ARHGEF3: variants seen among roughly 807,000 people sequenced by gnomAD.
The protein encoded by ARHGEF3 is Rho guanine nucleotide exchange factor 3, also known as 59.8 kDA protein.
Under a neutral mutation model 63.2 loss-of-function variants are expected in ARHGEF3, and 28 were observed. That is an observed-to-expected ratio of 0.44 (90% CI 0.33 to 0.61). The LOEUF (loss-of-function observed/expected upper bound fraction) is 0.61, where lower values mean the gene tolerates loss of function less well. Ranked by LOEUF, ARHGEF3 falls within the 20% of genes least tolerant of loss-of-function variation. The pLI is 0.03. For synonymous variants in ARHGEF3, 266 were observed against 254.2 expected (o/e 1.05, Z -0.44); for missense variants, 533 against 659.3 (o/e 0.81, Z 2.10).
At chr3:56,872,572 C>T (rs188275805) in intron 4 of ARHGEF3, among the ~76,000 whole-genome samples, 264 of 149,014 alleles carry the variant, frequency 1.8e-3, no homozygotes, top group African/African-American at 6.2e-3. Context: ...TGCAGTGGCA[C>T]GATCTTGGCT....
chr3:56,944,568 C>CTTTTTTTTTTTT (rs1205155655), intron 3 of ARHGEF3, among the ~76,000 whole-genome samples: 10 of 65,832 alleles, frequency 1.5e-4, no homozygotes, highest in East Asian at 6.3e-4. Flanking sequence ...AAAGTGGTTT[C>CTTTTTTTTTTTT]TTTTTTTTTT....
chr3:56,858,460 C>A (rs1319738076), intron 4 of ARHGEF3, among the ~76,000 whole-genome samples: 16 of 152,120 alleles, frequency 1.1e-4, no homozygotes, highest in African/African-American at 3.6e-4. Flanking sequence ...GATACTGAGC[C>A]CCTACCAGTG....
chr3:56,755,016 G>C lies in ARHGEF3; in HGVS notation c.340C>G (p.Gln114Glu). The change falls in exon 3 of 10, where the codon CAG becomes GAG. Residue 114 changes from glutamine to glutamate, a missense_variant. Physicochemically the swap from Gln to Glu is conservative, Grantham distance 29. This residue lies in a region of ARHGEF3 where 160 missense variants were observed against 157.3 expected (regional missense o/e 1.02). Coordinates refer to ENST00000296315, the MANE Select transcript of ARHGEF3 (RefSeq NM_019555.3). ...TTGATTTCCTTGGATGTAAGCATCT[G>C]ATTGACGCACACATCGAAGGTCTCA... ...WSETFDVCVNQMLTSKEIKRQ... is the reference protein window; with the variant it reads ...WSETFDVCVNEMLTSKEIKRQ... The C allele has an allele frequency of 6.2e-7, 1 of 1,614,174 alleles. No homozygotes were observed.
At chr3:57,039,734 T>G (rs577247244) in intron 1 of ARHGEF3, among the ~76,000 whole-genome samples, 1 of 152,264 alleles carries the variant, frequency 6.6e-6, no homozygotes, top group South Asian at 2.1e-4. Flanking sequence ...CAATGGTATC[T>G]TCAAATCTCT....
chr3:57,064,235 G>A (rs1259500615), intron 1 of ARHGEF3, among the ~76,000 whole-genome samples: 1 of 152,300 alleles, frequency 6.6e-6, no homozygotes, highest in East Asian at 1.9e-4. Context: ...TGCCACTGCA[G>A]CAATCAGTGA....
chr3:56,987,691 A>C (rs1701596120), intron 2 of ARHGEF3, among the ~76,000 whole-genome samples: 1 of 152,040 alleles, frequency 6.6e-6, no homozygotes, highest in Non-Finnish European at 1.5e-5. Context: ...GAAGGAAGGA[A>C]AGGAAGGAGC....
intron 1 of ARHGEF3, among the ~76,000 whole-genome samples, chr3:57,072,685 T>C (rs1160988989): frequency 1.5e-4 from 21 of 136,772 alleles, no homozygotes; most frequent in African/African-American, 5.9e-4. Flanking sequence ...GAGGTTGCAG[T>C]GAGCTGAGAT....
intron 3 of ARHGEF3, among the ~76,000 whole-genome samples, chr3:56,905,096 C>A (rs1578807737): frequency 6.6e-6 from 1 of 152,206 alleles, no homozygotes; most frequent in Non-Finnish European, 1.5e-5. Context: ...CTTTTACAAT[C>A]CAGTCCAAAG....
Position 56,973,348 on chromosome 3 carries a change from T to TTA in ARHGEF3, c.63-14460_63-14459insTA, listed in dbSNP as rs1315596346. On this transcript the variant is annotated intron_variant, in intron 2 of 12. Transcript: ENST00000338458. ...ACATATTTGAAGGCAGGAATAACAC[T>TTA]ATCTACTGTGGATTAAGTACAGAAG... 3.3e-5 allele frequency among the ~76,000 whole-genome samples: 5 copies of TTA among 152,132 alleles called. No individual in the cohort carries two copies. The East Asian group carries it at 9.6e-4, about 29-fold the overall frequency.
intron 2 of ARHGEF3, among the ~76,000 whole-genome samples, chr3:57,017,752 G>T (rs9875179): frequency 0.01 from 1,554 of 152,266 alleles, 34 homozygotes; most frequent in African/African-American, 0.035. Flanking sequence ...GTCCCCAGTG[G>T]ACAAAAGGCT....
chr3:56,816,794 C>T (rs977455891), intron 4 of ARHGEF3, among the ~76,000 whole-genome samples: 2 of 152,216 alleles, frequency 1.3e-5, no homozygotes, highest in African/African-American at 2.4e-5. Context: ...GCTTCTAGAA[C>T]CTCAAGTTCC....
chr3:57,026,045 A>G (rs1302026724), intron 2 of ARHGEF3, among the ~76,000 whole-genome samples: 1 of 152,092 alleles, frequency 6.6e-6, no homozygotes, highest in Non-Finnish European at 1.5e-5. Flanking sequence ...AGACAAAACC[A>G]ACACTTAAGA....
chr3:56,880,269 T>C (rs2040723810), intron 4 of ARHGEF3, among the ~76,000 whole-genome samples: 3 of 152,214 alleles, frequency 2.0e-5, no homozygotes, highest in Admixed American at 2.0e-4. Context: ...TCTATACAAG[T>C]CTCTTTAATG....
At chr3:56,748,981 C>A (rs2034572204) in intron 6 of ARHGEF3, among the ~76,000 whole-genome samples, 1 of 137,916 alleles carries the variant, frequency 7.3e-6, no homozygotes, top group African/African-American at 2.7e-5. Flanking sequence ...GAATGGGACT[C>A]TTCTCATCCA....
intron 2 of ARHGEF3, among the ~76,000 whole-genome samples, chr3:56,967,310 ATATTATATATTATATAT>A (rs1217998731): frequency 9.9e-6 from 1 of 101,040 alleles, no homozygotes; most frequent in African/African-American, 3.6e-5. Flanking sequence ...TATATATTAT[ATATTATATATTATATAT>A]TATATATTGT....
chr3:56,781,628 C>T (rs1434744958), intron 1 of ARHGEF3, among the ~76,000 whole-genome samples: 1 of 152,180 alleles, frequency 6.6e-6, no homozygotes, highest in Non-Finnish European at 1.5e-5. Context: ...GCTTATGGTA[C>T]TTTGTTATAG....
intron 1 of ARHGEF3, chr3:57,035,196 A>T: frequency 7.3e-7 from 1 of 1,373,206 alleles, no homozygotes; most frequent in African/African-American, 1.5e-5. Flanking sequence ...AAAGCAAAAC[A>T]ACCAACATTT....
At chr3:56,740,031 C>T (rs1394552686) in intron 7 of ARHGEF3, among the ~76,000 whole-genome samples, 2 of 151,944 alleles carry the variant, frequency 1.3e-5, no homozygotes, top group African/African-American at 2.4e-5. Flanking sequence ...TCCTGAGTAG[C>T]TGGGATTACG....
At chr3:57,072,113 A>G (rs1031928471) in intron 1 of ARHGEF3, among the ~76,000 whole-genome samples, 8 of 149,726 alleles carry the variant, frequency 5.3e-5, no homozygotes, top group African/African-American at 1.9e-4. Flanking sequence ...CACAAGATGG[A>G]TAATAACAAG....
Sources: gnomAD v4.1 joint callset for allele counts (sites outside exome capture counted in the v4.1 genomes callset) on GRCh38, gnomAD v4.1.1 for gene constraint, gnomAD v4.1.1 regional missense constraint, MANE v1.5 for transcripts, NCBI Gene and HGNC (gene_info 2026-07-23, HGNC 2026-07-21) for gene names.